Variants in CD200R1 observed in about 807,000 individuals in gnomAD.
CD200R1 encodes CD200 receptor 1.
In CD200R1, 30 loss-of-function variants were observed where a neutral mutation model predicts 38.1. That is an observed-to-expected ratio of 0.79 (90% CI 0.59 to 1.07). CD200R1 has a LOEUF of 1.07. Ranked by LOEUF, CD200R1 falls within the 50% of genes least tolerant of loss-of-function variation. CD200R1 has a pLI of 0.00. For missense variants in CD200R1, 372 were observed against 415.4 expected (o/e 0.90, Z 0.91); for synonymous variants, 128 against 152.1 (o/e 0.84, Z 1.16).
At chr3:112,946,091 A>G (rs1026095993) in intron 2 of CD200R1, among the ~76,000 whole-genome samples, 2 of 152,006 alleles carry the variant, frequency 1.3e-5, no homozygotes, top group Non-Finnish European at 2.9e-5. Context: ...AAAAAAAAAT[A>G]CAGTCATCCC....
chr3:112,926,867 T>C (rs537812388), intron 5 of CD200R1, among the ~76,000 whole-genome samples: 10 of 152,140 alleles, frequency 6.6e-5, no homozygotes, highest in African/African-American at 1.7e-4. Context: ...GAGAAATGAA[T>C]AGAAAACTCG....
chr3:112,956,207 C>A (rs1029961996), intron 1 of CD200R1, among the ~76,000 whole-genome samples: 1 of 151,742 alleles, frequency 6.6e-6, no homozygotes, highest in Admixed American at 6.6e-5. Context: ...TCTTTTCATT[C>A]TTTTTTTTCT....
At chr3:112,949,219 T>G (rs1265312119) in intron 1 of CD200R1, among the ~76,000 whole-genome samples, 1 of 152,226 alleles carries the variant, frequency 6.6e-6, no homozygotes. Flanking sequence ...ATCGGCAGGC[T>G]CTAACTGTGC....
rs550856332 is a variant in CD200R1 at position 112,966,914 on chromosome 3, C to T, written c.67+7877G>A. The stretch of plus-strand genomic sequence containing the variant: ...AATACCAGCAATCTCGCTGCTCCCA[C>T]GTCTATCTACTCAAACTGCAATTTT... On this transcript the variant is annotated intron_variant, in intron 1 of 7. Transcript: ENST00000308611. Among the ~76,000 whole-genome samples the T allele has an allele frequency of 5.3e-4, 80 of 152,164 alleles. 1 individual carries two copies. Among genetic ancestry groups the T allele is most frequent in the Admixed American group, 3.3e-3 (50 of 15,276 alleles).
chr3:112,967,867 G>C (rs957073860), intron 1 of CD200R1, among the ~76,000 whole-genome samples: 2 of 152,124 alleles, frequency 1.3e-5, no homozygotes, highest in African/African-American at 4.8e-5. Flanking sequence ...ACCCCAGAAA[G>C]CTGTTTGATA....
At chr3:112,967,837 G>A (rs555020626) in intron 1 of CD200R1, among the ~76,000 whole-genome samples, 58 of 152,162 alleles carry the variant, frequency 3.8e-4, no homozygotes, top group South Asian at 1.0e-3. Context: ...TACTATGAAG[G>A]TGTTCAAAAC....
At chr3:112,969,360 C>CAG (rs1278350032) in intron 1 of CD200R1, among the ~76,000 whole-genome samples, 1 of 152,076 alleles carries the variant, frequency 6.6e-6, no homozygotes, top group African/African-American at 2.4e-5. Context: ...CAGACCTACA[C>CAG]TACTAGAAAC....
At chr3:112,963,159 ACT>A (rs1295790888) in intron 1 of CD200R1, among the ~76,000 whole-genome samples, 1 of 151,750 alleles carries the variant, frequency 6.6e-6, no homozygotes, top group Admixed American at 6.6e-5. Flanking sequence ...GTCCATTAAA[ACT>A]CTTTCTTTTG....
Position 112,921,345 on chromosome 3 carries a change from T to C in CD200R1, c.*2332A>G, listed in dbSNP as rs1275723501. 1.3e-5 allele frequency: 2 copies of C among 152,208 alleles called. No individual in the cohort carries two copies. The highest frequency in any genetic ancestry group is 2.9e-5 in the Non-Finnish European group (2 of 67,994). The allele number at this position is 152,208 out of a possible 1,614,324, so 9.4% of individuals were successfully genotyped here. A position where few individuals can be genotyped will look rare whatever the true frequency, so the allele number is the denominator to read the frequency against. ...ACTGTACACTTAAATATATCAATTA[T>C]ATCTCAGTAAAGCCGTTTTCAGAAG... On this transcript the variant is annotated 3_prime_UTR_variant, in exon 8 of 8. Coordinates refer to ENST00000308611, the MANE Select transcript of CD200R1 (RefSeq NM_138806.4).
intron 1 of CD200R1, among the ~76,000 whole-genome samples, chr3:112,963,050 T>C (rs1933062122): frequency 6.6e-6 from 1 of 152,168 alleles, no homozygotes; most frequent in South Asian, 2.1e-4. Context: ...AAACAGGAGT[T>C]TCCTGCACAA....
intron 1 of CD200R1, among the ~76,000 whole-genome samples, chr3:112,973,258 T>G (rs1933354305): frequency 6.6e-6 from 1 of 152,180 alleles, no homozygotes; most frequent in South Asian, 2.1e-4. Flanking sequence ...TACAACAAGA[T>G]CTGAACTACT....
chr3:112,971,330 A>AT (rs1344560469), intron 1 of CD200R1, among the ~76,000 whole-genome samples: 1 of 152,110 alleles, frequency 6.6e-6, no homozygotes, highest in Non-Finnish European at 1.5e-5. Flanking sequence ...GAAATCATCT[A>AT]TTTTTTCCCT....
intron 1 of CD200R1, among the ~76,000 whole-genome samples, chr3:112,962,330 C>T (rs1476410777): frequency 6.6e-6 from 1 of 151,968 alleles, no homozygotes; most frequent in Admixed American, 6.6e-5. Flanking sequence ...TATGTAGACA[C>T]TGAATACATA....
chr3:112,930,684 C>T (rs1161161013), intron 3 of CD200R1, among the ~76,000 whole-genome samples: 3 of 152,198 alleles, frequency 2.0e-5, no homozygotes, highest in South Asian at 2.1e-4. Flanking sequence ...GAGGGGCAAA[C>T]CTTTATGTGG....
intron 3 of CD200R1, among the ~76,000 whole-genome samples, chr3:112,930,519 A>AC (rs1257429194): frequency 1.3e-5 from 2 of 152,232 alleles, no homozygotes; most frequent in African/African-American, 4.8e-5. Flanking sequence ...CCAACGTAGA[A>AC]CCTCATGCAT....
chr3:112,940,328 A>G (rs1940699084), intron 2 of CD200R1, among the ~76,000 whole-genome samples: 1 of 151,992 alleles, frequency 6.6e-6, no homozygotes. Flanking sequence ...ATGGGATTAT[A>G]TAAAACTAAA....
intron 2 of CD200R1, among the ~76,000 whole-genome samples, chr3:112,936,089 T>G (rs561142508): frequency 6.6e-6 from 1 of 152,270 alleles, no homozygotes; most frequent in African/African-American, 2.4e-5. Context: ...CTGAGGATAA[T>G]CTAATCACCT....
chr3:112,949,915 C>T (rs1417492402), intron 1 of CD200R1, among the ~76,000 whole-genome samples: 3 of 152,112 alleles, frequency 2.0e-5, no homozygotes, highest in East Asian at 1.9e-4. Flanking sequence ...CTCCCTGGCA[C>T]GTGGCTAGAT....
chr3:112,943,523 A>G (rs1215449761), intron 2 of CD200R1, among the ~76,000 whole-genome samples: 1 of 151,776 alleles, frequency 6.6e-6, no homozygotes, highest in African/African-American at 2.4e-5. Flanking sequence ...ATATTAGAAA[A>G]TTAGAAAGGT....
Sources: allele counts gnomAD v4.1 joint callset (sites outside exome capture counted in the v4.1 genomes callset), GRCh38; gene constraint gnomAD v4.1.1; transcripts MANE v1.5; gene names NCBI Gene and HGNC (gene_info 2026-07-23, HGNC 2026-07-21).